The following NOTCH2NLC variants were observed in gnomAD, a reference collection of about 807,000 sequenced individuals.
NOTCH2NLC encodes the protein notch homolog 2 N-terminal-like protein C.
NOTCH2NLC carries 4 observed loss-of-function variants against 17.7 expected under a neutral mutation model. That is an observed-to-expected ratio of 0.23 (90% CI 0.11 to 0.52). NOTCH2NLC has a LOEUF of 0.52. Ranked by LOEUF, NOTCH2NLC falls within the 20% of genes least tolerant of loss-of-function variation. The pLI, the probability that NOTCH2NLC is intolerant of heterozygous loss-of-function variation, is 0.96. For missense variants in NOTCH2NLC, 57 were observed against 207.2 expected (o/e 0.28, Z 4.45); for synonymous variants, 18 against 86.0 (o/e 0.21, Z 4.38).
intron 2 of NOTCH2NLC, among the ~76,000 whole-genome samples, chr1:149,448,962 A>G (rs1163802128): frequency 3.4e-5 from 5 of 145,818 alleles, no homozygotes; most frequent in African/African-American, 5.1e-5. Context: ...GCTCACTGCA[A>G]CCTCCAACTT....
At chr1:149,402,104 A>G (rs1350956266) in intron 1 of NOTCH2NLC, among the ~76,000 whole-genome samples, 1 of 142,802 alleles carries the variant, frequency 7.0e-6, no homozygotes, top group African/African-American at 2.6e-5. Context: ...TTTGAGTTGG[A>G]GTTTTGCTCT....
chr1:149,437,236 AAG>A (rs2101493940), intron 2 of NOTCH2NLC, among the ~76,000 whole-genome samples: 1 of 138,380 alleles, frequency 7.2e-6, no homozygotes, highest in African/African-American at 2.7e-5. Flanking sequence ...TGTGAAATTT[AAG>A]AGAGTGCCAA....
intron 3 of NOTCH2NLC, among the ~76,000 whole-genome samples, chr1:149,460,333 C>CTTTTTTT (rs1226789458): frequency 2.2e-4 from 20 of 92,920 alleles, no homozygotes; most frequent in East Asian, 3.4e-4. Flanking sequence ...TTCTGATCAC[C>CTTTTTTT]TTTTTTTTTT....
At chr1:149,429,911 G>A (rs1450051261) in intron 1 of NOTCH2NLC, among the ~76,000 whole-genome samples, 5 of 150,760 alleles carry the variant, frequency 3.3e-5, no homozygotes, top group Non-Finnish European at 7.4e-5. Flanking sequence ...TTCCAAGAAA[G>A]AGTTCATGAG....
chr1:149,419,855 A>ATATATATT (rs1468150839), intron 1 of NOTCH2NLC, among the ~76,000 whole-genome samples: 2 of 78,216 alleles, frequency 2.6e-5, no homozygotes, highest in Non-Finnish European at 4.6e-5. Flanking sequence ...ATATATATAT[A>ATATATATT]TTTTTTTTTT....
At chr1:149,408,622 A>T (rs1342632585) in intron 1 of NOTCH2NLC, among the ~76,000 whole-genome samples, 3,120 of 151,438 alleles carry the variant, frequency 0.021, 223 homozygotes, top group East Asian at 0.13. Flanking sequence ...AAAATGTATG[A>T]TGGCTAAAAT....
chr1:149,467,241 A>G lies in NOTCH2NLC; in HGVS notation c.*3088A>G, dbSNP rs1482489589. ...GTTTGGCCTCTCCTTTTGTCCTTGT[A>G]TACTCTAATACTGGATAAGAATTTT... On this transcript the variant is annotated 3_prime_UTR_variant, in exon 5 of 5. Coordinates refer to ENST00000650865, the MANE Select transcript of NOTCH2NLC (RefSeq NM_001364013.2). The G allele has an allele frequency of 1.6e-5, 1 of 64,508 alleles. No individual in the cohort carries two copies. Among genetic ancestry groups the G allele is most frequent in the Non-Finnish European group, 2.9e-5 (1 of 34,812 alleles). The allele number at this position is 64,508 out of a possible 1,614,324, so 4.0% of individuals were successfully genotyped here.
At chr1:149,416,151 C>CAAA (rs1291575226) in intron 1 of NOTCH2NLC, among the ~76,000 whole-genome samples, 1 of 104,240 alleles carries the variant, frequency 9.6e-6, no homozygotes, top group Non-Finnish European at 1.9e-5. Context: ...TTTTGGAGGA[C>CAAA]AAAAGTCTTG....
chr1:149,421,833 G>A (rs1173989578), intron 1 of NOTCH2NLC, among the ~76,000 whole-genome samples: 5 of 15,050 alleles, frequency 3.3e-4, no homozygotes, highest in Admixed American at 6.4e-4. Context: ...TTTGGATCTC[G>A]TTGGTGCTTA....
In NOTCH2NLC at chr1:149,471,229, TATC is replaced by T. The variant is rs1255604645; in HGVS notation, c.*7078_*7080del. On this transcript the variant is annotated 3_prime_UTR_variant, in exon 5 of 5. Coordinates refer to ENST00000650865, the MANE Select transcript of NOTCH2NLC (RefSeq NM_001364013.2). ...AAATATATCCTAAATACAAGTCTCT[TATC>T]AGATAATATGACTTGCAGATATTTT... Among the ~76,000 whole-genome samples the T allele has an allele frequency of 6.6e-6, 1 of 151,372 alleles. No individual in the cohort carries two copies. The highest frequency in any genetic ancestry group is 2.4e-5 in the African/African-American group (1 of 41,234).
Position 149,407,113 on chromosome 1 carries a change from T to A in NOTCH2NLC, c.135+16191T>A, listed in dbSNP as rs1277959834. ...ATTCATAGAAAAAATTATTTAGGAT[T>A]TCAGATGAAAGATGAAGAACTCTTT... On this transcript the variant is annotated intron_variant, in intron 1 of 4. Coordinates refer to ENST00000650865, the MANE Select transcript of NOTCH2NLC (RefSeq NM_001364013.2). Among the ~76,000 whole-genome samples the A allele has an allele frequency of 4.6e-5, 7 of 150,944 alleles. 1 individual carries two copies. Among genetic ancestry groups the A allele is most frequent in the Non-Finnish European group, 1.0e-4 (7 of 67,482 alleles).
chr1:149,406,513 TA>T (rs1478140618), intron 1 of NOTCH2NLC: 2 of 141,444 alleles, frequency 1.4e-5, no homozygotes, highest in East Asian at 4.4e-4. Flanking sequence ...AAACATTATT[TA>T]TTTTTAATTA....
rs1420314622 is a variant in NOTCH2NLC at position 149,424,109 on chromosome 1, C to T, written c.136-6833C>T. ...TTCCATCAAGTCTGGATACCTTAGC[C>T]TTATCCTTAAATGAATAAATTTCTG... is the stretch of plus-strand genomic sequence containing the variant. On this transcript the variant is annotated intron_variant, in intron 1 of 4. Coordinates refer to ENST00000650865, the MANE Select transcript of NOTCH2NLC (RefSeq NM_001364013.2). 6.1e-3 allele frequency among the ~76,000 whole-genome samples: 929 copies of T among 151,292 alleles called. 11 individuals carry two copies. The highest frequency in any genetic ancestry group is 0.021 in the African/African-American group (878 of 41,294).
chr1:149,460,889 T>C (rs1165280984), intron 3 of NOTCH2NLC, among the ~76,000 whole-genome samples: 1 of 135,464 alleles, frequency 7.4e-6, no homozygotes, highest in Non-Finnish European at 1.6e-5. Flanking sequence ...CTTTCTTTCT[T>C]TCTTTCTTTC....
chr1:149,445,554 TC>T (rs1490716409), intron 2 of NOTCH2NLC, among the ~76,000 whole-genome samples: 2 of 148,656 alleles, frequency 1.3e-5, no homozygotes, highest in East Asian at 2.0e-4. Context: ...TAACGACAGC[TC>T]CCCCCTCTAG....
chr1:149,402,627 C>T (rs1272925157), intron 1 of NOTCH2NLC, among the ~76,000 whole-genome samples: 1 of 27,914 alleles, frequency 3.6e-5, no homozygotes, highest in East Asian at 8.0e-4. Context: ...GCTCTAGGGC[C>T]GCTGCAATAA....
chr1:149,413,523 A>G (rs1198044993), intron 1 of NOTCH2NLC, among the ~76,000 whole-genome samples: 2 of 151,288 alleles, frequency 1.3e-5, no homozygotes, highest in South Asian at 2.1e-4. Flanking sequence ...CATGTTGCAT[A>G]TATTAACTTG....
At chr1:149,436,998 C>T (rs1457985913) in intron 2 of NOTCH2NLC, among the ~76,000 whole-genome samples, 2 of 117,514 alleles carry the variant, frequency 1.7e-5, no homozygotes, top group African/African-American at 6.7e-5. Flanking sequence ...ACAGATAACT[C>T]AAGTCTGTGG....
At chr1:149,417,482 C>T (rs2084343022) in intron 1 of NOTCH2NLC, among the ~76,000 whole-genome samples, 1 of 151,308 alleles carries the variant, frequency 6.6e-6, no homozygotes, top group East Asian at 2.0e-4. Flanking sequence ...AGGTAAAAGA[C>T]TTGTGCTCTG....
Sources: gnomAD v4.1 joint callset for allele counts (sites outside exome capture counted in the v4.1 genomes callset) on GRCh38, gnomAD v4.1.1 for gene constraint, MANE v1.5 for transcripts, NCBI Gene and HGNC (gene_info 2026-07-23, HGNC 2026-07-21) for gene names.